LDAF1: variants seen among roughly 807,000 people sequenced by gnomAD.
LDAF1 encodes the protein PROMETHIN.
In LDAF1, 7 loss-of-function variants were observed where a neutral mutation model predicts 13.5. That is an observed-to-expected ratio of 0.52 (90% confidence interval 0.29 to 0.97). The LOEUF (loss-of-function observed/expected upper bound fraction) is 0.97, where lower values mean the gene tolerates loss of function less well. Among genes scored for constraint, LDAF1 ranks in the 50% least tolerant of loss-of-function variants. The pLI is 0.07. For missense variants in LDAF1, 148 were observed against 193.2 expected, an observed-to-expected ratio of 0.77 and a Z score of 1.39; for synonymous variants, 69 against 77.1, an observed-to-expected ratio of 0.89 and a Z score of 0.55.
At chr16:21,177,684 T>C (rs1326073250) in intron 4 of LDAF1, among the ~76,000 whole-genome samples, 3 of 150,444 alleles carry the variant, frequency 2.0e-5, no homozygotes, top group African/African-American at 7.4e-5. Context: ...AGTGGCTTGA[T>C]CTTGGTTCAC....
At chr16:21,166,016 T>C (rs1446733846) in intron 2 of LDAF1, among the ~76,000 whole-genome samples, 1 of 151,982 alleles carries the variant, frequency 6.6e-6, no homozygotes, top group Non-Finnish European at 1.5e-5. Flanking sequence ...CGCACCACTC[T>C]GCCTGACTAA....
At chr16:21,159,467 C>A in intron 1 of LDAF1, 1 of 1,606,582 alleles carries the variant, frequency 6.2e-7, no homozygotes. Context: ...GTGACCCCTC[C>A]TCCCAGCTTG....
chr16:21,159,484 C>G lies in LDAF1; in HGVS notation c.-99+738C>G, dbSNP rs3814876. ...GACCCCTCCTCCCAGCTTGAACTTTCGAGGTAGCCGTTTTCCCCTGGAGGT... is the reference window on the plus strand; with the variant it reads ...GACCCCTCCTCCCAGCTTGAACTTTGGAGGTAGCCGTTTTCCCCTGGAGGT... On this transcript the variant is annotated intron_variant, in intron 1 of 4. Transcript: ENST00000233047. 2.4e-3 allele frequency: 3,835 copies of G among 1,587,124 alleles called. 83 individuals are homozygous for G. The East Asian group carries it at 0.053, about 22-fold the overall frequency.
chr16:21,163,348 C>T (rs2092994167), intron 2 of LDAF1, among the ~76,000 whole-genome samples: 1 of 152,116 alleles, frequency 6.6e-6, no homozygotes, highest in South Asian at 2.1e-4. Context: ...CCACTAATGA[C>T]CTCAAAAGCA....
intron 1 of LDAF1, chr16:21,159,346 C>T (rs1313003956): frequency 2.5e-6 from 4 of 1,614,190 alleles, no homozygotes; most frequent in Admixed American, 1.7e-5. Flanking sequence ...TCCCTTCCTC[C>T]TCTCCTTGGG....
At chr16:21,167,878 C>T (rs1159377152) in intron 2 of LDAF1, among the ~76,000 whole-genome samples, 8 of 149,206 alleles carry the variant, frequency 5.4e-5, no homozygotes, top group Non-Finnish European at 1.0e-4. Flanking sequence ...GTGGTGGGGG[C>T]GCCCGTAATC....
chr16:21,178,266 T>C, intron 4 of LDAF1: 2 of 985,318 alleles, frequency 2.0e-6, no homozygotes, highest in Non-Finnish European at 2.4e-6. Flanking sequence ...GTAGGGGCCC[T>C]GGGCAGCTGT....
intron 2 of LDAF1, among the ~76,000 whole-genome samples, chr16:21,169,472 C>A (rs1041480045): frequency 1.3e-5 from 2 of 152,006 alleles, no homozygotes; most frequent in Non-Finnish European, 2.9e-5. Flanking sequence ...CTATGCCAAG[C>A]TAGTTTTTAA....
At chr16:21,175,298 C>CTA (rs2093129197) in intron 4 of LDAF1, among the ~76,000 whole-genome samples, 1 of 152,194 alleles carries the variant, frequency 6.6e-6, no homozygotes, top group Non-Finnish European at 1.5e-5. Context: ...TAATCCTTAA[C>CTA]AATTTAGCCC....
intron 2 of LDAF1, among the ~76,000 whole-genome samples, chr16:21,163,998 G>A (rs1306212153): frequency 2.0e-5 from 3 of 152,088 alleles, no homozygotes; most frequent in Non-Finnish European, 4.4e-5. Context: ...CACCGCACCT[G>A]GCCACCAGTG....
chr16:21,164,146 A>T (rs561578679), intron 2 of LDAF1, among the ~76,000 whole-genome samples: 3 of 152,166 alleles, frequency 2.0e-5, no homozygotes, highest in African/African-American at 7.2e-5. Context: ...GTTCTCAAAT[A>T]CTGGCCACTT....
rs201417483 is a variant in LDAF1 at position 21,174,055 on chromosome 16, G to A, written c.311G>A (p.Cys104Tyr). The change falls in exon 4 of 5, where the codon TGT (cysteine) becomes TAT (tyrosine). Residue 104 changes from cysteine (C) to tyrosine (Y), a missense_variant. By Grantham distance (194) the Cys-to-Tyr change is radical. Transcript: ENST00000233047. ...GGCTTCTCACTGCTCTGCATCCTCT[G>A]TGGTTTGGGCTTCGTATCACTCGCC... is the stretch of plus-strand genomic sequence containing the variant. ...VGGFSLLCILCGLGFVSLAMS... is the reference protein window; with the variant it reads ...VGGFSLLCILYGLGFVSLAMS... 1 of 1,614,080 alleles carries A rather than the reference G, an allele frequency of 6.2e-7. No individual in the cohort carries two copies. Among genetic ancestry groups the A allele is most frequent in the East Asian group, 2.2e-5 (1 of 44,882 alleles).
intron 4 of LDAF1, among the ~76,000 whole-genome samples, chr16:21,174,951 T>C (rs1390835734): frequency 6.6e-6 from 1 of 152,168 alleles, no homozygotes; most frequent in East Asian, 1.9e-4. Flanking sequence ...TTTGAATATA[T>C]AGATTTTTGT....
intron 3 of LDAF1, among the ~76,000 whole-genome samples, chr16:21,171,442 C>T (rs2093087725): frequency 6.6e-6 from 1 of 152,074 alleles, no homozygotes; most frequent in Non-Finnish European, 1.5e-5. Context: ...TAGGCATGGT[C>T]AGTGGATGAG....
chr16:21,161,020 G>A (rs2092967903), intron 1 of LDAF1, 65 bp from the exon 2 acceptor site: 2 of 1,396,436 alleles, frequency 1.4e-6, no homozygotes, highest in Non-Finnish European at 1.9e-6. Flanking sequence ...TATGAGGATG[G>A]TAGAAGCTCT....
chr16:21,170,105 C>G (rs1465713791), intron 2 of LDAF1: 1 of 158,066 alleles, frequency 6.3e-6, no homozygotes, highest in East Asian at 1.9e-4. Flanking sequence ...CAGGTTCAAG[C>G]AATTCTCCTG....
At chr16:21,166,716 G>T in intron 2 of LDAF1, 1 of 724,344 alleles carries the variant, frequency 1.4e-6, no homozygotes, top group Non-Finnish European at 2.4e-6. Context: ...GACACAGGGA[G>T]CATCAAATAA....
At chr16:21,166,923 TAC>T (rs1318160168) in intron 2 of LDAF1, 6 of 1,535,036 alleles carry the variant, frequency 3.9e-6, no homozygotes, top group Non-Finnish European at 4.4e-6. Context: ...TGATTCCTGC[TAC>T]AGTCATCTCT....
At chr16:21,177,896 G>A (rs1286872407) in intron 4 of LDAF1, among the ~76,000 whole-genome samples, 4 of 151,966 alleles carry the variant, frequency 2.6e-5, no homozygotes, top group Admixed American at 2.0e-4. Context: ...GGGATTATAG[G>A]TGTAAGCCAC....
Sources: allele counts gnomAD v4.1 joint callset (sites outside exome capture counted in the v4.1 genomes callset), GRCh38; gene constraint gnomAD v4.1.1; transcripts MANE v1.5; gene names NCBI Gene and HGNC (gene_info 2026-07-23, HGNC 2026-07-21).